Variants in FHIT observed in about 807,000 individuals in gnomAD.
FHIT encodes bis(5'-adenosyl)-triphosphatase.
FHIT carries 19 observed loss-of-function variants against 17.9 expected under a neutral mutation model. That is an observed-to-expected ratio of 1.06 (90% CI 0.74 to 1.56). FHIT has a LOEUF of 1.56. Ranked by LOEUF, FHIT falls within the 40% of genes most tolerant of loss-of-function variation. The probability of loss-of-function intolerance (pLI) is 0.00; values close to 1 mark genes in which losing one functional copy is unlikely to be tolerated. For synonymous variants in FHIT, 81 were observed against 69.7 expected (o/e 1.16, Z -0.81); for missense variants, 248 against 189.2 (o/e 1.31, Z -1.82).
intron 4 of FHIT, among the ~76,000 whole-genome samples, chr3:60,606,197 C>T (rs567704507): frequency 6.6e-6 from 1 of 151,992 alleles, no homozygotes; most frequent in East Asian, 1.9e-4. Context: ...GCAAACATCA[C>T]TTGTTCAGTT....
At chr3:60,757,887 T>C (rs78868523) in intron 4 of FHIT, among the ~76,000 whole-genome samples, 4 of 152,284 alleles carry the variant, frequency 2.6e-5, no homozygotes, top group Non-Finnish European at 2.9e-5. Context: ...GTTTGGAAGA[T>C]AGCACTTGGA....
intron 5 of FHIT, among the ~76,000 whole-genome samples, chr3:60,180,719 C>A (rs1303451038): frequency 2.0e-5 from 3 of 152,094 alleles, no homozygotes; most frequent in African/African-American, 7.2e-5. Flanking sequence ...TGCTTTTTCA[C>A]AGATAAGCAT....
At chr3:59,790,528 CTGTGTGTG>C (rs35731034) in intron 8 of FHIT, among the ~76,000 whole-genome samples, 2 of 91,762 alleles carry the variant, frequency 2.2e-5, no homozygotes, top group African/African-American at 1.1e-4. Flanking sequence ...CTCTCTCTCT[CTGTGTGTG>C]TGTGTGTATA....
At chr3:60,112,603 A>T (rs1007682791) in intron 5 of FHIT, among the ~76,000 whole-genome samples, 6 of 152,206 alleles carry the variant, frequency 3.9e-5, no homozygotes, top group Non-Finnish European at 8.8e-5. Context: ...TCCACACATC[A>T]CATATACACA....
intron 5 of FHIT, among the ~76,000 whole-genome samples, chr3:60,471,804 T>C (rs1027859104): frequency 6.6e-6 from 1 of 152,122 alleles, no homozygotes; most frequent in Non-Finnish European, 1.5e-5. Context: ...GTCTTCCCCC[T>C]GCCACCCCAC....
chr3:60,674,378 T>A (rs1489447979), intron 4 of FHIT, among the ~76,000 whole-genome samples: 1 of 152,214 alleles, frequency 6.6e-6, no homozygotes, highest in Admixed American at 6.5e-5. Flanking sequence ...AATTCTAATG[T>A]CTGAGTTATT....
intron 8 of FHIT, among the ~76,000 whole-genome samples, chr3:59,862,283 A>G (rs1000247004): frequency 9.2e-5 from 14 of 152,286 alleles, no homozygotes; most frequent in African/African-American, 3.1e-4. Context: ...AAACCATCAG[A>G]TCTTGTGAGA....
At chr3:59,930,413 T>C (rs748101592) in intron 7 of FHIT, among the ~76,000 whole-genome samples, 8 of 152,174 alleles carry the variant, frequency 5.3e-5, no homozygotes, top group Admixed American at 4.6e-4. Context: ...TTCAAGTATT[T>C]AGTCTCCTTT....
intron 1 of FHIT, among the ~76,000 whole-genome samples, chr3:61,232,869 T>C (rs555735822): frequency 6.6e-6 from 1 of 152,282 alleles, no homozygotes; most frequent in African/African-American, 2.4e-5. Flanking sequence ...GAACATTATA[T>C]AACAGTCAAA....
At chr3:60,553,068 G>C (rs1655992979) in intron 4 of FHIT, among the ~76,000 whole-genome samples, 1 of 152,114 alleles carries the variant, frequency 6.6e-6, no homozygotes, top group Non-Finnish European at 1.5e-5. Flanking sequence ...GCCAAGACAG[G>C]CTCTGGCCAC....
intron 3 of FHIT, among the ~76,000 whole-genome samples, chr3:60,916,379 G>A (rs1707001723): frequency 6.6e-6 from 1 of 152,170 alleles, no homozygotes; most frequent in Admixed American, 6.5e-5. Context: ...TTCTATTCAT[G>A]ATACCAATAC....
chr3:60,807,517 G>A (rs1701438690), intron 4 of FHIT, among the ~76,000 whole-genome samples: 1 of 152,172 alleles, frequency 6.6e-6, no homozygotes, highest in Non-Finnish European at 1.5e-5. Flanking sequence ...GAGCCCGGGA[G>A]GTAGAGGCTA....
chr3:59,920,548 T>A (rs962896921), intron 8 of FHIT, among the ~76,000 whole-genome samples: 1 of 152,128 alleles, frequency 6.6e-6, no homozygotes, highest in African/African-American at 2.4e-5. Context: ...AAAGTAACCA[T>A]GCAGCTTCAT....
At chr3:59,911,386 T>C (rs762214647) in intron 8 of FHIT, among the ~76,000 whole-genome samples, 55 of 152,308 alleles carry the variant, frequency 3.6e-4, no homozygotes, top group Non-Finnish European at 7.1e-4. Context: ...GGGTTGGGTG[T>C]AGACACAGTT....
intron 3 of FHIT, among the ~76,000 whole-genome samples, chr3:61,035,179 T>A (rs1402999821): frequency 6.6e-5 from 10 of 152,188 alleles, no homozygotes; most frequent in Admixed American, 6.5e-4. Context: ...AGTTTTATTT[T>A]AGAAGGATGG....
intron 7 of FHIT, among the ~76,000 whole-genome samples, chr3:59,986,744 ATTT>A (rs1406903564): frequency 8.8e-5 from 1 of 11,334 alleles, no homozygotes; most frequent in Non-Finnish European, 1.7e-4. Context: ...ATATACATAT[ATTT>A]ATATATATAT....
intron 3 of FHIT, among the ~76,000 whole-genome samples, chr3:60,965,938 C>T (rs1709717078): frequency 6.6e-6 from 1 of 152,178 alleles, no homozygotes; most frequent in Non-Finnish European, 1.5e-5. Context: ...AAACTCCGTG[C>T]TGGGAGAACC....
At chr3:60,935,627 A>C (rs1708157918) in intron 3 of FHIT, among the ~76,000 whole-genome samples, 1 of 152,230 alleles carries the variant, frequency 6.6e-6, no homozygotes, top group Non-Finnish European at 1.5e-5. Flanking sequence ...CAGGGAAGAC[A>C]AGGGTGCATC....
chr3:60,904,937 TAAAA>T (rs34683848), intron 3 of FHIT, among the ~76,000 whole-genome samples: 2 of 132,420 alleles, frequency 1.5e-5, no homozygotes, highest in Non-Finnish European at 1.6e-5. Context: ...AGACTTGGTC[TAAAA>T]AAAAAAAAAA....
Sources: gnomAD v4.1 joint callset for allele counts (sites outside exome capture counted in the v4.1 genomes callset) on GRCh38, gnomAD v4.1.1 for gene constraint, MANE v1.5 for transcripts, NCBI Gene and HGNC (gene_info 2026-07-23, HGNC 2026-07-21) for gene names.